Variants in FAM53A observed in about 807,000 individuals in gnomAD.
The protein encoded by FAM53A is protein FAM53A.
A neutral mutation model predicts 26.6 loss-of-function variants in FAM53A; 28 were observed. The observed-to-expected ratio is 1.05, with a 90% CI of 0.78 to 1.45. The LOEUF (loss-of-function observed/expected upper bound fraction) is 1.45, where lower values mean the gene tolerates loss of function less well. Ranked by LOEUF, FAM53A falls within the 40% of genes most tolerant of loss-of-function variation. FAM53A has a pLI of 0.00. For synonymous variants in FAM53A, 290 were observed against 253.1 expected, an observed-to-expected ratio of 1.15 and a Z score of -1.38; for missense variants, 650 against 575.8, an observed-to-expected ratio of 1.13 and a Z score of -1.32.
chr4:1,672,346 ATGGACC>A (rs1714740365), intron 1 of FAM53A, among the ~76,000 whole-genome samples: 2 of 137,340 alleles, frequency 1.5e-5, no homozygotes, highest in African/African-American at 6.0e-5. Flanking sequence ...CCATAGACCC[ATGGACC>A]CAGGAACCCA....
At chr4:1,608,698 G>C in the FAM53A span, among the ~76,000 whole-genome samples, 827 of 152,214 alleles carry the variant, frequency 5.4e-3, 3 homozygotes, top group Non-Finnish European at 8.2e-3. Context: ...CTGCCCACCA[G>C]TGCCTGGCCT....
At chr4:1,589,523 C>T in the FAM53A span, among the ~76,000 whole-genome samples, 1 of 152,142 alleles carries the variant, frequency 6.6e-6, no homozygotes, top group East Asian at 1.9e-4. Context: ...GAAATAATTT[C>T]TCTTTCTTGA....
At chr4:1,679,193 T>A (rs554565641) in intron 1 of FAM53A, among the ~76,000 whole-genome samples, 1 of 152,228 alleles carries the variant, frequency 6.6e-6, no homozygotes, top group African/African-American at 2.4e-5. Context: ...AACCCCAGCC[T>A]GGCCAACATG....
downstream of FAM53A, among the ~76,000 whole-genome samples, chr4:1,637,181 A>T (rs1464406350): frequency 6.9e-6 from 1 of 145,920 alleles, no homozygotes; most frequent in East Asian, 2.2e-4. Context: ...TCCGGCACCC[A>T]TGCTCGGGTG....
chr4:1,640,789 A>G lies in FAM53A; in HGVS notation c.*504T>C, dbSNP rs1254387368. On this transcript the variant is annotated 3_prime_UTR_variant, in exon 5 of 5. Coordinates refer to ENST00000308132, the MANE Select transcript of FAM53A (RefSeq NM_001174070.3). ...GCCGGTGGCAGCCATGGCCCCGACC[A>G]GCTCACAGGAAACCTACTCTGTGCC... 9.2e-5 allele frequency: 36 copies of G among 392,326 alleles called. No individual in the cohort carries two copies. The highest frequency in any genetic ancestry group is 4.9e-5 in the Non-Finnish European group (10 of 206,028). The allele number at this position is 392,326 out of a possible 1,614,324, so 24.3% of individuals were successfully genotyped here.
chr4:1,631,531 C>T (rs1352917269), intron 1 of FAM53A, among the ~76,000 whole-genome samples: 1 of 152,194 alleles, frequency 6.6e-6, no homozygotes, highest in Non-Finnish European at 1.5e-5. Flanking sequence ...ACACAGCAGT[C>T]CCAGGGAAAC....
chr4:1,620,728 A>G (rs1337024921), intron 1 of FAM53A, among the ~76,000 whole-genome samples: 2 of 152,120 alleles, frequency 1.3e-5, no homozygotes, highest in Non-Finnish European at 2.9e-5. Flanking sequence ...CACCAAAAAC[A>G]AAAACAATGA....
Position 1,640,006 on chromosome 4 carries a change from G to C in FAM53A, c.*1287C>G, listed in dbSNP as rs1236191188. 6.6e-6 allele frequency: 1 copy of C among 152,266 alleles called. No individual in the cohort carries two copies. Among genetic ancestry groups the C allele is most frequent in the Admixed American group, 6.5e-5 (1 of 15,290 alleles). 9.4% of individuals were successfully genotyped at this position (152,266 alleles called of 1,614,324 possible). ...CCAGAGACCAGAGGCCTGAGGCGCA[G>C]CCAGGCCCACTTCAGATGGTGGAAA... On this transcript the variant is annotated 3_prime_UTR_variant, in exon 5 of 5. Transcript: ENST00000308132.
the FAM53A span, among the ~76,000 whole-genome samples, chr4:1,581,407 T>C: frequency 2.6e-5 from 4 of 152,240 alleles, no homozygotes; most frequent in Admixed American, 2.0e-4. Flanking sequence ...AAGTAGAAGT[T>C]AAAGACAAAA....
chr4:1,597,891 G>T, the FAM53A span, among the ~76,000 whole-genome samples: 1 of 152,232 alleles, frequency 6.6e-6, no homozygotes, highest in Non-Finnish European at 1.5e-5. Context: ...AGCTACTCAG[G>T]AGGCTGACGC....
At chr4:1,644,069 TG>T in intron 4 of FAM53A, 1 of 1,352,848 alleles carries the variant, frequency 7.4e-7, no homozygotes, top group Non-Finnish European at 9.9e-7. Flanking sequence ...CAGCTCGGTC[TG>T]GTGTCACCCG....
At position 1,620,967 on chromosome 4, in the gene FAM53A, G is replaced by C. The variant is rs80031168; in HGVS notation, c.432-2856C>G. ...TTTTCTGCTCCACCTCCTCGCATGT[G>C]GCTTCCTGCCCAAGGTCACCTCATG... On this transcript the variant is annotated intron_variant, in intron 1 of 1. Transcript: ENST00000489029. 4.1e-4 allele frequency among the ~76,000 whole-genome samples: 63 copies of C among 152,186 alleles called. 1 individual carries two copies. The highest frequency in any genetic ancestry group is 1.3e-3 in the African/African-American group (54 of 41,518).
At chr4:1,589,112 C>T in the FAM53A span, among the ~76,000 whole-genome samples, 1 of 152,174 alleles carries the variant, frequency 6.6e-6, no homozygotes, top group Non-Finnish European at 1.5e-5. Context: ...ATGTTGCTGT[C>T]AGTCTTTAAA....
At chr4:1,597,665 C>T in the FAM53A span, among the ~76,000 whole-genome samples, 1 of 111,430 alleles carries the variant, frequency 9.0e-6, no homozygotes, top group African/African-American at 3.0e-5. Flanking sequence ...TATGTGGCTG[C>T]AGGGAGCACC....
chr4:1,645,358 G>A (rs1426258958), intron 4 of FAM53A, among the ~76,000 whole-genome samples: 11 of 152,222 alleles, frequency 7.2e-5, no homozygotes, highest in Non-Finnish European at 1.2e-4. Context: ...TCTGGTGAGC[G>A]CCCTCCCAAC....
chr4:1,576,686 C>T, the FAM53A span, among the ~76,000 whole-genome samples: 1 of 152,178 alleles, frequency 6.6e-6, no homozygotes, highest in Non-Finnish European at 1.5e-5. Context: ...GTGGGCAGGC[C>T]GGGGACGCCG....
intron 1 of FAM53A, among the ~76,000 whole-genome samples, chr4:1,633,015 TAGGTACACGCTCATGCTCACAC>T (rs1715678106): frequency 7.6e-6 from 1 of 132,026 alleles, no homozygotes; most frequent in African/African-American, 4.1e-5. Context: ...CTCACACGCA[TAGGTACACGCTCATGCTCACAC>T]GCATAGGTAC....
At chr4:1,610,989 G>A in the FAM53A span, among the ~76,000 whole-genome samples, 1 of 152,106 alleles carries the variant, frequency 6.6e-6, no homozygotes, top group African/African-American at 2.4e-5. Context: ...CCCTGCCACT[G>A]GCACCTGCTG....
At chr4:1,624,080 G>A (rs925360379) in intron 1 of FAM53A, among the ~76,000 whole-genome samples, 10 of 152,142 alleles carry the variant, frequency 6.6e-5, no homozygotes, top group Admixed American at 1.3e-4. Context: ...CAGCTGTGTC[G>A]TCTGCAGGGA....
Sources: gnomAD v4.1 joint callset for allele counts (sites outside exome capture counted in the v4.1 genomes callset) on GRCh38, gnomAD v4.1.1 for gene constraint, MANE v1.5 for transcripts, NCBI Gene and HGNC (gene_info 2026-07-23, HGNC 2026-07-21) for gene names.